PEX7: variants seen among roughly 807,000 people sequenced by gnomAD.
The protein encoded by PEX7 is PTS2 receptor.
Under a neutral mutation model 47.5 loss-of-function variants are expected in PEX7, and 34 were observed. The ratio of observed to expected loss-of-function variants is 0.72; its 90% CI spans 0.54 to 0.95. The LOEUF (loss-of-function observed/expected upper bound fraction) is 0.95. Among genes scored for constraint, PEX7 ranks in the 40% least tolerant of loss-of-function variants. The probability of loss-of-function intolerance (pLI) is 0.00; values close to 1 mark genes in which losing one functional copy is unlikely to be tolerated. For missense variants in PEX7, 394 were observed against 400.3 expected, an observed-to-expected ratio of 0.98 and a Z score of 0.13; for synonymous variants, 141 against 148.8, an observed-to-expected ratio of 0.95 and a Z score of 0.38.
intron 8 of PEX7, among the ~76,000 whole-genome samples, chr6:136,886,133 G>C (rs369256486): frequency 2.6e-5 from 4 of 152,180 alleles, no homozygotes; most frequent in African/African-American, 9.7e-5. Flanking sequence ...TTTTACAGCA[G>C]TAAGAGCAAG....
At chr6:136,877,111 ATGTT>A (rs1473749134) in intron 8 of PEX7, among the ~76,000 whole-genome samples, 1 of 151,154 alleles carries the variant, frequency 6.6e-6, no homozygotes, top group African/African-American at 2.4e-5. Context: ...TTTTTTTCAT[ATGTT>A]TGTTGGCCAC....
At chr6:136,863,142 ATCATTC>A (rs1373550109) in intron 5 of PEX7, among the ~76,000 whole-genome samples, 4 of 152,188 alleles carry the variant, frequency 2.6e-5, no homozygotes, top group Non-Finnish European at 5.9e-5. Context: ...TTTCAAACTT[ATCATTC>A]ATTTTTCACA....
chr6:136,847,724 A>G (rs1456294566), intron 5 of PEX7, among the ~76,000 whole-genome samples: 6 of 152,212 alleles, frequency 3.9e-5, no homozygotes, highest in African/African-American at 1.4e-4. Context: ...TGGTACCAGT[A>G]CCATGCTGTT....
At chr6:136,909,546 A>G (rs1775900343) in intron 9 of PEX7, among the ~76,000 whole-genome samples, 1 of 152,092 alleles carries the variant, frequency 6.6e-6, no homozygotes, top group South Asian at 2.1e-4. Flanking sequence ...CTACATAGCA[A>G]CCTTGGAGAA....
intron 9 of PEX7, 104 bp downstream of exon 9, chr6:136,898,345 A>T: frequency 1.3e-6 from 1 of 775,996 alleles, no homozygotes; most frequent in South Asian, 1.4e-5. Context: ...TTTTAGCTAT[A>T]TAAGCTGGAG....
intron 5 of PEX7, among the ~76,000 whole-genome samples, chr6:136,849,393 A>G (rs905921113): frequency 6.6e-6 from 1 of 152,092 alleles, no homozygotes; most frequent in African/African-American, 2.4e-5. Flanking sequence ...GCCTTCTGCT[A>G]GCTTTTGAAT....
chr6:136,830,970 T>G (rs148796791), intron 3 of PEX7, among the ~76,000 whole-genome samples: 194 of 152,338 alleles, frequency 1.3e-3, no homozygotes, highest in Middle Eastern at 6.8e-3. Flanking sequence ...ATGGAGGAAA[T>G]GTATTTGCTT....
chr6:136,883,502 C>A (rs1351977136), intron 8 of PEX7, among the ~76,000 whole-genome samples: 1 of 152,180 alleles, frequency 6.6e-6, no homozygotes, highest in Non-Finnish European at 1.5e-5. Context: ...ATTCCATGTT[C>A]TTTTTTGTTT....
intron 7 of PEX7, chr6:136,870,730 A>C (rs977975097): frequency 3.1e-5 from 12 of 383,816 alleles, no homozygotes; most frequent in Admixed American, 2.2e-4. Flanking sequence ...TTTTTTTTTG[A>C]GATGGAGTCT....
chr6:136,906,346 A>G (rs1332639887), intron 9 of PEX7, among the ~76,000 whole-genome samples: 2 of 152,220 alleles, frequency 1.3e-5, no homozygotes, highest in Non-Finnish European at 2.9e-5. Flanking sequence ...TCAACTTTAA[A>G]CCTATTAAAA....
chr6:136,824,829 T>C (rs1337758378), intron 1 of PEX7, among the ~76,000 whole-genome samples: 7 of 152,144 alleles, frequency 4.6e-5, no homozygotes, highest in Non-Finnish European at 8.8e-5. Flanking sequence ...AAGCCAGAGG[T>C]TTCTCATCTG....
chr6:136,849,201 C>T (rs1165097131), intron 5 of PEX7, among the ~76,000 whole-genome samples: 1 of 151,952 alleles, frequency 6.6e-6, no homozygotes, highest in Non-Finnish European at 1.5e-5. Flanking sequence ...GGTGATATCC[C>T]CTTTATCATT....
At chr6:136,891,093 A>G (rs1262012397) in intron 8 of PEX7, among the ~76,000 whole-genome samples, 1 of 152,120 alleles carries the variant, frequency 6.6e-6, no homozygotes, top group Non-Finnish European at 1.5e-5. Flanking sequence ...ATCTCCTCTT[A>G]TTGAGATGTG....
At chr6:136,826,239 C>T (rs927911488) in intron 2 of PEX7, 80 bp from the exon 3 acceptor site, 5 of 1,465,282 alleles carry the variant, frequency 3.4e-6, no homozygotes, top group Middle Eastern at 1.8e-4. Flanking sequence ...AGAAAAAAAA[C>T]CATAATTGTT....
intron 8 of PEX7, among the ~76,000 whole-genome samples, chr6:136,879,446 T>C (rs1388781468): frequency 6.6e-6 from 1 of 152,228 alleles, no homozygotes; most frequent in African/African-American, 2.4e-5. Context: ...AATGCTACTA[T>C]GTTTTTATCT....
chr6:136,826,367 C>T lies in PEX7; in HGVS notation c.237C>T (p.Asn79=), dbSNP rs752745963. ...TTGATGTGACTTGGAGTGAGAACAA[C>T]GAACATGTCCTCATCACCTGTAGTG... ...GLFDVTWSEN[N]EHVLITCSGD... Residue 79 remains asparagine, a synonymous_variant, in exon 3 of 10, where the codon AAC becomes AAT. Coordinates refer to ENST00000318471, the MANE Select transcript of PEX7 (RefSeq NM_000288.4). 3.4e-5 allele frequency: 55 copies of T among 1,613,824 alleles called. No homozygotes were observed. The highest frequency in any genetic ancestry group is 2.8e-4 in the Admixed American group (17 of 59,974).
In PEX7 at chr6:136,913,607, G is replaced by T; in HGVS notation, c.*81G>T. 1.1e-6 allele frequency: 1 copy of T among 939,716 alleles called. No individual in the cohort carries two copies. Among genetic ancestry groups the T allele is most frequent in the South Asian group, 1.3e-5 (1 of 77,234 alleles). The allele number at this position is 939,716 out of a possible 1,614,324, so 58.2% of individuals were successfully genotyped here. On this transcript the variant is annotated 3_prime_UTR_variant, in exon 10 of 10. Coordinates refer to ENST00000318471, the MANE Select transcript of PEX7 (RefSeq NM_000288.4). ...AAATAAATTAACTATGGAAAACATA[G>T]ACATTATGCTTTTATATGCTATTCA...
At chr6:136,871,325 A>G (rs1218962153) in intron 7 of PEX7, among the ~76,000 whole-genome samples, 2 of 152,226 alleles carry the variant, frequency 1.3e-5, no homozygotes. Flanking sequence ...AGAAGACGTT[A>G]CTTGTCTTTA....
At chr6:136,884,349 C>T (rs1271510409) in intron 8 of PEX7, among the ~76,000 whole-genome samples, 1 of 152,042 alleles carries the variant, frequency 6.6e-6, no homozygotes, top group African/African-American at 2.4e-5. Context: ...GTCAGAAAAC[C>T]ATTTTAACAA....
Sources: gnomAD v4.1 joint callset for allele counts (sites outside exome capture counted in the v4.1 genomes callset) on GRCh38, gnomAD v4.1.1 for gene constraint, MANE v1.5 for transcripts, NCBI Gene and HGNC (gene_info 2026-07-23, HGNC 2026-07-21) for gene names.